The following FHIT variants were observed in gnomAD, a reference collection of about 807,000 sequenced individuals.
The protein encoded by FHIT is fragile histidine triad diadenosine triphosphatase.
In FHIT, 19 loss-of-function variants were observed where a neutral mutation model predicts 17.9. That is an observed-to-expected ratio of 1.06 (90% confidence interval 0.74 to 1.56). FHIT has a LOEUF of 1.56. FHIT is among the 40% of genes most tolerant of loss of function. The probability of loss-of-function intolerance (pLI) is 0.00; values close to 1 mark genes in which losing one functional copy is unlikely to be tolerated. For synonymous variants in FHIT, 81 were observed against 69.7 expected (o/e 1.16, Z -0.81); for missense variants, 248 against 189.2 (o/e 1.31, Z -1.82).
intron 5 of FHIT, among the ~76,000 whole-genome samples, chr3:60,534,640 G>C (rs2035917347): frequency 6.6e-6 from 1 of 151,964 alleles, no homozygotes; most frequent in African/African-American, 2.4e-5. Flanking sequence ...AAAAAGCTCT[G>C]GTTCTCATTG....
chr3:60,161,045 C>T (rs185545068), intron 5 of FHIT, among the ~76,000 whole-genome samples: 5 of 152,202 alleles, frequency 3.3e-5, no homozygotes, highest in African/African-American at 9.6e-5. Context: ...AAAGATATGA[C>T]GGAGTTTCTG....
Position 60,830,430 on chromosome 3 carries a change from G to C in FHIT, c.-110-8419C>G, listed in dbSNP as rs191723850. ...ATAAACCAAAAGAAGAGAGTGGTAA[G>C]TGAAATATAAGGTACCATTAGAGAT... On this transcript the variant is annotated intron_variant, in intron 3 of 9. Transcript: ENST00000492590. Among the ~76,000 whole-genome samples, 625 of 152,278 alleles carry C rather than the reference G, an allele frequency of 4.1e-3. 9 individuals carry two copies. Among genetic ancestry groups the C allele is most frequent in the South Asian group, 0.026 (126 of 4,828 alleles).
Position 60,337,304 on chromosome 3 carries a change from A to C in FHIT, c.103+199556T>G, listed in dbSNP as rs530218618. 1.1e-4 allele frequency among the ~76,000 whole-genome samples: 16 copies of C among 152,246 alleles called. 1 individual carries two copies. The South Asian group carries it at 1.9e-3, about 18-fold the overall frequency. On this transcript the variant is annotated intron_variant, in intron 5 of 9. Coordinates refer to ENST00000492590, the MANE Select transcript of FHIT (RefSeq NM_002012.4). ...TCTATCAGGGAGTTAAAACAGTTAA[A>C]TAATGGTTAAAAGCCTGCTTCTGGA...
rs147827728 is a variant in FHIT at position 59,901,577 on chromosome 3, C to T, written c.348+20769G>A. On this transcript the variant is annotated intron_variant, in intron 8 of 9. Transcript: ENST00000492590. Reference sequence around the variant, plus strand: ...ACCCAAACAAAAGGACAATGAGATACCACTTCATGCTTATTGCTTATTCGG... The same window carrying T: ...ACCCAAACAAAAGGACAATGAGATATCACTTCATGCTTATTGCTTATTCGG... Among the ~76,000 whole-genome samples, 717 of 152,224 alleles carry T rather than the reference C, an allele frequency of 4.7e-3. 5 individuals carry two copies. The highest frequency in any genetic ancestry group is 0.016 in the African/African-American group (682 of 41,540).
intron 4 of FHIT, among the ~76,000 whole-genome samples, chr3:60,629,796 A>T (rs1457368798): frequency 1.3e-5 from 2 of 152,170 alleles, no homozygotes; most frequent in Non-Finnish European, 2.9e-5. Context: ...TCCCAAGTTA[A>T]TGTAGGCTAC....
chr3:60,639,492 G>C (rs1437655418), intron 4 of FHIT, among the ~76,000 whole-genome samples: 1 of 152,080 alleles, frequency 6.6e-6, no homozygotes, highest in African/African-American at 2.4e-5. Context: ...TAAGGAGAAA[G>C]GGCCATCGTA....
intron 5 of FHIT, among the ~76,000 whole-genome samples, chr3:60,159,905 G>A (rs955027299): frequency 6.6e-6 from 1 of 152,128 alleles, no homozygotes; most frequent in Non-Finnish European, 1.5e-5. Flanking sequence ...CGCTCAATGC[G>A]TGCACAAATG....
At chr3:59,762,360 A>G (rs1057432053) in intron 8 of FHIT, among the ~76,000 whole-genome samples, 2 of 152,194 alleles carry the variant, frequency 1.3e-5, no homozygotes, top group African/African-American at 4.8e-5. Context: ...CATTGGTCAA[A>G]TACGTCACTA....
chr3:60,154,986 G>C (rs1226687108), intron 5 of FHIT, among the ~76,000 whole-genome samples: 6 of 151,956 alleles, frequency 3.9e-5, no homozygotes, highest in Non-Finnish European at 7.3e-5. Flanking sequence ...GATCACTTGA[G>C]CCTAAGAGTT....
intron 2 of FHIT, among the ~76,000 whole-genome samples, chr3:61,184,122 C>G (rs889424968): frequency 6.6e-6 from 1 of 152,054 alleles, no homozygotes; most frequent in Admixed American, 6.6e-5. Flanking sequence ...AGAGAATATT[C>G]CCCCAGTGTC....
intron 5 of FHIT, among the ~76,000 whole-genome samples, chr3:60,351,832 C>T (rs906365625): frequency 1.3e-5 from 2 of 152,028 alleles, no homozygotes; most frequent in Non-Finnish European, 2.9e-5. Context: ...CTTATAGACC[C>T]ATGCAGAAAC....
intron 5 of FHIT, among the ~76,000 whole-genome samples, chr3:60,041,174 C>A (rs1464697989): frequency 6.6e-6 from 1 of 152,192 alleles, no homozygotes; most frequent in African/African-American, 2.4e-5. Context: ...TAGCAACCTA[C>A]CCTATGATCC....
chr3:60,787,849 G>A (rs886161106), intron 4 of FHIT, among the ~76,000 whole-genome samples: 17 of 152,238 alleles, frequency 1.1e-4, no homozygotes, highest in African/African-American at 4.1e-4. Context: ...GTCTTTTTCT[G>A]ATCTATTAAA....
chr3:60,382,481 T>C (rs567154045), intron 5 of FHIT, among the ~76,000 whole-genome samples: 2 of 152,338 alleles, frequency 1.3e-5, no homozygotes, highest in South Asian at 2.1e-4. Context: ...AGACAATTCA[T>C]CTTCTTATTC....
At chr3:60,260,712 G>C (rs1424025263) in intron 5 of FHIT, among the ~76,000 whole-genome samples, 1 of 152,000 alleles carries the variant, frequency 6.6e-6, no homozygotes, top group African/African-American at 2.4e-5. Context: ...CAGGAGGTTA[G>C]GCATTCTAAG....
intron 5 of FHIT, among the ~76,000 whole-genome samples, chr3:60,252,063 A>G (rs1705739740): frequency 6.6e-6 from 1 of 152,212 alleles, no homozygotes; most frequent in African/African-American, 2.4e-5. Context: ...GTATTTCCAT[A>G]TATGCCTAAC....
At chr3:60,949,100 A>G (rs995641214) in intron 3 of FHIT, among the ~76,000 whole-genome samples, 6 of 152,184 alleles carry the variant, frequency 3.9e-5, no homozygotes, top group Non-Finnish European at 8.8e-5. Flanking sequence ...TTGACACTTA[A>G]AGCCCTATTA....
At chr3:61,123,926 T>C (rs1458093113) in intron 2 of FHIT, among the ~76,000 whole-genome samples, 1 of 152,126 alleles carries the variant, frequency 6.6e-6, no homozygotes, top group Non-Finnish European at 1.5e-5. Flanking sequence ...AGAAAAGGTA[T>C]GTGAATAACA....
At chr3:61,234,211 G>C (rs1259391662) in intron 1 of FHIT, among the ~76,000 whole-genome samples, 1 of 152,118 alleles carries the variant, frequency 6.6e-6, no homozygotes, top group African/African-American at 2.4e-5. Flanking sequence ...GGGGAGCACT[G>C]CTTGCTGCAA....
Sources: allele counts gnomAD v4.1 joint callset (sites outside exome capture counted in the v4.1 genomes callset), GRCh38; gene constraint gnomAD v4.1.1; transcripts MANE v1.5; gene names NCBI Gene and HGNC (gene_info 2026-07-23, HGNC 2026-07-21).